Variants in PCNX4 observed in about 807,000 individuals in gnomAD.
The protein encoded by PCNX4 is pecanex 4.
In PCNX4, 103 loss-of-function variants were observed where a neutral mutation model predicts 107.2. The observed-to-expected ratio is 0.96, with a 90% CI of 0.82 to 1.13. The LOEUF (loss-of-function observed/expected upper bound fraction) is 1.13. Ranked by LOEUF, PCNX4 falls within the 50% of genes most tolerant of loss-of-function variation. PCNX4 has a pLI of 0.00. For synonymous variants in PCNX4, 541 were observed against 481.7 expected, an observed-to-expected ratio of 1.12 and a Z score of -1.61; for missense variants, 1,528 against 1,379.4, an observed-to-expected ratio of 1.11 and a Z score of -1.71.
chr14:60,144,089 GAGTTAATTAACTAA>G lies in PCNX4; in HGVS notation c.*9869_*9882del, dbSNP rs1555332145. Reference sequence around the variant, plus strand: ...ATCTTAGTGGGCTGTTATGAGGAATGAGTTAATTAACTAATACTAAGCACTCCAGTACAGTAGAA... The same window carrying G: ...ATCTTAGTGGGCTGTTATGAGGAATGTACTAAGCACTCCAGTACAGTAGAA... On this transcript the variant is annotated 3_prime_UTR_variant, in exon 11 of 11. Coordinates refer to ENST00000406854, the MANE Select transcript of PCNX4 (RefSeq NM_001330177.2). 2 of 152,154 alleles carry G rather than the reference GAGTTAATTAACTAA, an allele frequency of 1.3e-5. No homozygotes were observed. Among genetic ancestry groups the G allele is most frequent in the Non-Finnish European group, 2.9e-5 (2 of 68,024 alleles). 9.4% of individuals were successfully genotyped at this position (152,154 alleles called of 1,614,324 possible).
rs141434749 is a variant in PCNX4, at chr14:60,125,801, C to A, written c.3245C>A (p.Ser1082Tyr). The A allele has an allele frequency of 6.2e-7, 1 of 1,607,482 alleles. No individual in the cohort carries two copies. Among genetic ancestry groups the A allele is most frequent in the Non-Finnish European group, 8.5e-7 (1 of 1,177,466 alleles). Residue 1082 changes from serine (S) to tyrosine (Y), a missense_variant, in exon 10 of 11, where the codon TCT becomes TAT. Transcript: ENST00000406854. ...TTACAAGAAAAGCCATACTTGTTTT[C>A]TCTGGGGTATGATTCTAATATGGTA... ...AILQEKPYLF[S>Y]LGYDSNMGIY...
In PCNX4 at chr14:60,136,849, T is replaced by C. The variant is rs1466674421; in HGVS notation, c.*2628T>C. On this transcript the variant is annotated 3_prime_UTR_variant, in exon 11 of 11. Transcript: ENST00000406854. ...GGGATATTTCTTAGGTTGGGCCTTT[T>C]TCCGCCTTGTGGTCAGGTGGTTAGG... is the stretch of plus-strand genomic sequence containing the variant. 1 of 152,602 alleles carries C rather than the reference T, an allele frequency of 6.6e-6. No individual in the cohort carries two copies. Among genetic ancestry groups the C allele is most frequent in the Non-Finnish European group, 1.5e-5 (1 of 68,064 alleles). The allele number at this position is 152,602 out of a possible 1,614,324, so 9.5% of individuals were successfully genotyped here.
At chr14:60,121,936 A>G (rs944011035) in intron 8 of PCNX4, among the ~76,000 whole-genome samples, 2 of 152,036 alleles carry the variant, frequency 1.3e-5, no homozygotes, top group Non-Finnish European at 2.9e-5. Context: ...TTACTTCTCT[A>G]CTTTGTGGTT....
chr14:60,134,060 A>G lies in PCNX4; in HGVS notation c.3358A>G (p.Asn1120Asp). The G allele has an allele frequency of 2.5e-6, 4 of 1,613,856 alleles. No homozygotes were observed. Among genetic ancestry groups the G allele is most frequent in the Non-Finnish European group, 3.4e-6 (4 of 1,179,794 alleles). Residue 1120 changes from asparagine (N) to aspartate (D), a missense_variant, in exon 11 of 11, where the codon AAT becomes GAT. Asn to Asp is a conservative substitution (Grantham distance 23). Transcript: ENST00000406854. ...TGAAGCTGTTAGAGGTCAGTGGGCC[A>G]ATCTTTCATGGGAATTACTTTATGC... is the stretch of plus-strand genomic sequence containing the variant. ...NPEAVRGQWANLSWELLYATN... is the reference protein window; with the variant it reads ...NPEAVRGQWADLSWELLYATN...
chr14:60,094,368 C>T (rs920058413), intron 1 of PCNX4, among the ~76,000 whole-genome samples: 10 of 152,162 alleles, frequency 6.6e-5, no homozygotes, highest in Non-Finnish European at 1.3e-4. Context: ...AATTCGCTTT[C>T]ATTTGGCAGT....
At chr14:60,122,224 C>G (rs1895968609) in intron 8 of PCNX4, among the ~76,000 whole-genome samples, 1 of 152,142 alleles carries the variant, frequency 6.6e-6, no homozygotes, top group Non-Finnish European at 1.5e-5. Flanking sequence ...CATCCTGCTT[C>G]CACCTATGTG....
chr14:60,118,014 T>A (rs917661987), intron 6 of PCNX4, among the ~76,000 whole-genome samples: 2 of 152,176 alleles, frequency 1.3e-5, no homozygotes, highest in African/African-American at 2.4e-5. Flanking sequence ...GTAATTTGTG[T>A]CTTTCTAGGA....
At chr14:60,116,568 CCTA>C (rs549549375) in intron 6 of PCNX4, among the ~76,000 whole-genome samples, 163 of 152,278 alleles carry the variant, frequency 1.1e-3, no homozygotes, top group African/African-American at 3.9e-3. Flanking sequence ...TGTAAACAAA[CCTA>C]CTGGGCTGCC....
At chr14:60,111,641 C>T (rs930786161) in intron 2 of PCNX4, among the ~76,000 whole-genome samples, 1 of 151,996 alleles carries the variant, frequency 6.6e-6, no homozygotes, top group East Asian at 1.9e-4. Flanking sequence ...AAAGTGAATC[C>T]TAGGTTCTTT....
In PCNX4 at chr14:60,124,890, T is replaced by A. The variant is rs1566518536; in HGVS notation, c.2719T>A (p.Ser907Thr). The change falls in exon 9 of 11, where the codon TCT becomes ACT. Residue 907 changes from serine to threonine, a missense_variant. Ser to Thr is a moderately conservative substitution (Grantham distance 58). Coordinates refer to ENST00000406854, the MANE Select transcript of PCNX4 (RefSeq NM_001330177.2). ...TCTCATGGAGTTCAGTTGTTCACAT[T>A]CTCACTTAGTATGCTTACCCGCAGA... Reference protein sequence around the residue: ...IPLMEFSCSHSHLVCLPAEWR... With the variant: ...IPLMEFSCSHTHLVCLPAEWR... 1 of 1,613,854 alleles carries A rather than the reference T, an allele frequency of 6.2e-7. No individual in the cohort carries two copies. Among genetic ancestry groups the A allele is most frequent in the Non-Finnish European group, 8.5e-7 (1 of 1,179,784 alleles).
At chr14:60,125,460 T>G (rs979330271) in intron 9 of PCNX4, among the ~76,000 whole-genome samples, 177 bp from the exon 10 acceptor site, 1 of 152,160 alleles carries the variant, frequency 6.6e-6, no homozygotes, top group Non-Finnish European at 1.5e-5. Flanking sequence ...GAAAACCTGG[T>G]TTTTTTATGG....
intron 10 of PCNX4, among the ~76,000 whole-genome samples, chr14:60,132,354 A>G (rs1896170115): frequency 6.6e-6 from 1 of 152,192 alleles, no homozygotes; most frequent in African/African-American, 2.4e-5. Flanking sequence ...CTTTAATTAC[A>G]TCTGCAAAGT....
At chr14:60,114,318 G>A (rs896326055) in intron 2 of PCNX4, among the ~76,000 whole-genome samples, 12 of 152,216 alleles carry the variant, frequency 7.9e-5, no homozygotes, top group Admixed American at 7.9e-4. Flanking sequence ...TTCAGCCAAT[G>A]TAGTAGTTTA....
intron 10 of PCNX4, 175 bp from the exon 11 acceptor site, chr14:60,133,795 G>T: frequency 1.5e-6 from 1 of 686,066 alleles, no homozygotes; most frequent in Non-Finnish European, 2.5e-6. Context: ...GGTAATTCTT[G>T]ATTCTGAATA....
intron 1 of PCNX4, 51 bp from the exon 2 acceptor site, chr14:60,107,535 G>T (rs1426878971): frequency 2.9e-6 from 3 of 1,026,682 alleles, no homozygotes; most frequent in Non-Finnish European, 4.2e-6. Flanking sequence ...TTCCTCATAG[G>T]TTTTAAATGA....
At chr14:60,120,618 A>G (rs1018455727) in intron 7 of PCNX4, among the ~76,000 whole-genome samples, 3 of 152,222 alleles carry the variant, frequency 2.0e-5, no homozygotes, top group Admixed American at 6.5e-5. Context: ...AAGTTTATCA[A>G]TAAGGAAATG....
In PCNX4 at chr14:60,132,853, C is replaced by CAT. The variant is rs1896180410; in HGVS notation, c.3268-1117_3268-1116insAT. On this transcript the variant is annotated intron_variant, in intron 10 of 10. Coordinates refer to ENST00000406854, the MANE Select transcript of PCNX4 (RefSeq NM_001330177.2). ...GCCAATAAGTACATGAGAAGTGCTCCGTATAATTAGTCATCAGGGAAGTGC... is the reference window on the plus strand; with the variant it reads ...GCCAATAAGTACATGAGAAGTGCTCCATGTATAATTAGTCATCAGGGAAGTGC... Among the ~76,000 whole-genome samples the CAT allele has an allele frequency of 2.0e-5, 3 of 152,192 alleles. No individual in the cohort carries two copies. The South Asian group carries it at 6.2e-4, about 32-fold the overall frequency.
intron 8 of PCNX4, among the ~76,000 whole-genome samples, chr14:60,123,718 G>A (rs1352781080): frequency 6.6e-6 from 1 of 152,078 alleles, no homozygotes; most frequent in Non-Finnish European, 1.5e-5. Context: ...AGTAATCAAA[G>A]AAGTAAATCT....
In PCNX4 at chr14:60,138,023, A is replaced by C. The variant is rs1896261710; in HGVS notation, c.*3802A>C. Reference sequence around the variant, plus strand: ...GGAGAATCACTTGAACCCGGGAGGCAGAGGTTTCAGTGAGCCAAGATCATG... The same window carrying C: ...GGAGAATCACTTGAACCCGGGAGGCCGAGGTTTCAGTGAGCCAAGATCATG... On this transcript the variant is annotated 3_prime_UTR_variant, in exon 11 of 11. Transcript: ENST00000406854. 1 of 151,768 alleles carries C rather than the reference A, an allele frequency of 6.6e-6. No individual in the cohort carries two copies. Among genetic ancestry groups the C allele is most frequent in the Admixed American group, 6.6e-5 (1 of 15,214 alleles). 9.4% of individuals were successfully genotyped at this position (151,768 alleles called of 1,614,324 possible). A position where few individuals can be genotyped will look rare whatever the true frequency, so the allele number is the denominator to read the frequency against.
Sources: allele counts gnomAD v4.1 joint callset (sites outside exome capture counted in the v4.1 genomes callset), GRCh38; gene constraint gnomAD v4.1.1; transcripts MANE v1.5; gene names NCBI Gene and HGNC (gene_info 2026-07-23, HGNC 2026-07-21).